TSHZ3: variants seen among roughly 807,000 people sequenced by gnomAD.
TSHZ3 encodes teashirt homolog 3.
TSHZ3 carries 10 observed loss-of-function variants against 64.5 expected under a neutral mutation model. That is an observed-to-expected ratio of 0.16 (90% CI 0.10 to 0.26). The LOEUF (loss-of-function observed/expected upper bound fraction) is 0.26, where lower values mean the gene tolerates loss of function less well. TSHZ3 is among the 10% of genes least tolerant of loss of function. The pLI, the probability that TSHZ3 is intolerant of heterozygous loss-of-function variation, is 1.00. For missense variants in TSHZ3, 1,242 were observed against 1,421.7 expected (o/e 0.87, Z 2.03); for synonymous variants, 608 against 593.1 (o/e 1.03, Z -0.36).
chr19:31,160,260 T>C (rs1330867668), intron 5 of TSHZ3, among the ~76,000 whole-genome samples: 1 of 152,184 alleles, frequency 6.6e-6, no homozygotes, highest in Non-Finnish European at 1.5e-5. Context: ...GGCCTCCCTC[T>C]AGGTGGTGTG....
chr19:31,328,598 C>T lies in TSHZ3; in HGVS notation c.40+20582G>A, dbSNP rs74660564. On this transcript the variant is annotated intron_variant, in intron 1 of 1. Coordinates refer to ENST00000240587, the MANE Select transcript of TSHZ3 (RefSeq NM_020856.4). The stretch of plus-strand genomic sequence containing the variant: ...TGAGAACATCTTATTCAAGGAATGG[C>T]GGGTTAAATCTTAACAGGTCTATTT... Among the ~76,000 whole-genome samples the T allele has an allele frequency of 4.5e-3, 688 of 152,268 alleles. 5 individuals carry two copies. Among genetic ancestry groups the T allele is most frequent in the African/African-American group, 0.016 (653 of 41,548 alleles).
intron 1 of TSHZ3, among the ~76,000 whole-genome samples, chr19:31,315,969 A>G (rs1916590430): frequency 6.6e-6 from 1 of 152,196 alleles, no homozygotes; most frequent in Non-Finnish European, 1.5e-5. Context: ...GGGTTTAGTC[A>G]CTTTTACCCA....
At chr19:31,310,519 G>A (rs1916429381) in intron 1 of TSHZ3, among the ~76,000 whole-genome samples, 1 of 152,144 alleles carries the variant, frequency 6.6e-6, no homozygotes, top group African/African-American at 2.4e-5. Flanking sequence ...CTTCTTAAAG[G>A]AGATGCAGTT....
chr19:31,200,690 A>T (rs1975070176), intron 5 of TSHZ3, among the ~76,000 whole-genome samples: 1 of 152,168 alleles, frequency 6.6e-6, no homozygotes, highest in Non-Finnish European at 1.5e-5. Flanking sequence ...TAGAACACGC[A>T]ATACCAAGAG....
chr19:31,348,195 C>T (rs1030987593), intron 1 of TSHZ3, among the ~76,000 whole-genome samples: 3 of 152,124 alleles, frequency 2.0e-5, no homozygotes, highest in Admixed American at 2.0e-4. Context: ...CGTCACAGAG[C>T]TTGGCCTCAC....
At chr19:31,255,831 C>A (rs1057461285) in intron 1 of TSHZ3, among the ~76,000 whole-genome samples, 1 of 152,142 alleles carries the variant, frequency 6.6e-6, no homozygotes, top group Non-Finnish European at 1.5e-5. Flanking sequence ...GTAAGCCCCC[C>A]CTTACTCAGT....
At chr19:31,193,581 G>C (rs1483387419) in intron 5 of TSHZ3, among the ~76,000 whole-genome samples, 1 of 152,186 alleles carries the variant, frequency 6.6e-6, no homozygotes, top group Non-Finnish European at 1.5e-5. Flanking sequence ...AGTTGTGTGA[G>C]CCTGAGCAAG....
chr19:31,224,145 T>G (rs1043239501), intron 4 of TSHZ3, among the ~76,000 whole-genome samples: 1 of 152,328 alleles, frequency 6.6e-6, no homozygotes, highest in South Asian at 2.1e-4. Flanking sequence ...CTAGACAGGT[T>G]GGTGCCATTG....
chr19:31,341,784 T>C (rs1917447806), intron 1 of TSHZ3, among the ~76,000 whole-genome samples: 1 of 152,146 alleles, frequency 6.6e-6, no homozygotes, highest in Admixed American at 6.5e-5. Flanking sequence ...CATTCTTCCC[T>C]GGTTCCACGG....
At chr19:31,240,490 CTGT>C (rs1180104048) in intron 3 of TSHZ3, among the ~76,000 whole-genome samples, 1 of 152,114 alleles carries the variant, frequency 6.6e-6, no homozygotes, top group Non-Finnish European at 1.5e-5. Flanking sequence ...CGCATTTAAT[CTGT>C]TGTTATATCA....
At position 31,324,284 on chromosome 19, in the gene TSHZ3, G is replaced by C. The variant is rs921112932; in HGVS notation, c.40+24896C>G. On this transcript the variant is annotated intron_variant, in intron 1 of 1. Transcript: ENST00000240587. ...TCCAGTCTGAATTTTCATTTTTAAC[G>C]TTTACAATTTGACTATTCAGAATGA... is the stretch of plus-strand genomic sequence containing the variant. Among the ~76,000 whole-genome samples, 5 of 152,110 alleles carry C rather than the reference G, an allele frequency of 3.3e-5. No homozygotes were observed. In the South Asian group the frequency reaches 1.0e-3, roughly 31 times the overall value.
intron 5 of TSHZ3, among the ~76,000 whole-genome samples, chr19:31,178,091 G>A (rs1375066722): frequency 6.6e-6 from 1 of 152,194 alleles, no homozygotes; most frequent in Non-Finnish European, 1.5e-5. Context: ...GCCTGAGCAT[G>A]AAAGGAAACA....
Position 31,278,644 on chromosome 19 carries a change from C to T in TSHZ3, c.1149G>A (p.Ser383=), listed in dbSNP as rs148943651. 2.0e-4 allele frequency: 318 copies of T among 1,614,104 alleles called. No homozygotes were observed. In the East Asian group the frequency reaches 2.2e-3, roughly 11 times the overall value. The change falls in exon 2 of 2, where the codon TCG becomes TCA. Residue 383 remains serine (S), a synonymous_variant. Transcript: ENST00000240587. This position sits in a 1 kb window ranked among gnomAD's most constrained non-coding sequence, Gnocchi z 4.7. ...CACACTCCATGCACTTCAGGATCTGCGACTTCCGGGCCTCAAAGTGCCATG... is the reference window on the plus strand; with the variant it reads ...CACACTCCATGCACTTCAGGATCTGTGACTTCCGGGCCTCAAAGTGCCATG... ...SYAWHFEARK[S]QILKCMECGS... is the part of the protein sequence containing the mutation.
chr19:31,233,455 G>C (rs1285810594), intron 3 of TSHZ3, among the ~76,000 whole-genome samples: 1 of 152,124 alleles, frequency 6.6e-6, no homozygotes, highest in Non-Finnish European at 1.5e-5. Context: ...CTATTATTCA[G>C]TTGTAAGAGA....
rs561006957 is a variant in TSHZ3, at chr19:31,235,938, G to A, written n.550+6331C>T. Among the ~76,000 whole-genome samples, 6 of 151,932 alleles carry A rather than the reference G, an allele frequency of 3.9e-5. No individual in the cohort carries two copies. The East Asian group carries it at 1.2e-3, about 30-fold the overall frequency. On this transcript the variant is annotated intron_variant and non_coding_transcript_variant, in intron 3 of 6. Coordinates refer to the TSHZ3 transcript ENST00000651361. ...ACCATGTTGGCCAGGCTGGTCTCCAGTGATCCACCCACCTCAGCTTCCCAA... is the reference window on the plus strand; with the variant it reads ...ACCATGTTGGCCAGGCTGGTCTCCAATGATCCACCCACCTCAGCTTCCCAA...
chr19:31,267,345 CCT>C (rs2145203352), intron 1 of TSHZ3, among the ~76,000 whole-genome samples: 1 of 152,114 alleles, frequency 6.6e-6, no homozygotes, highest in South Asian at 2.1e-4. Flanking sequence ...CTCCTCAGAC[CCT>C]CTCTCAGAAC....
chr19:31,200,321 T>C (rs1346577301), intron 5 of TSHZ3, among the ~76,000 whole-genome samples: 2 of 152,072 alleles, frequency 1.3e-5, no homozygotes, highest in Non-Finnish European at 2.9e-5. Context: ...AAGCAACCAA[T>C]ATGTTCTTGA....
intron 4 of TSHZ3, among the ~76,000 whole-genome samples, chr19:31,214,271 G>A (rs1051169090): frequency 3.3e-5 from 5 of 152,200 alleles, no homozygotes; most frequent in Admixed American, 6.5e-5. Flanking sequence ...ACCAGAGGCT[G>A]CATGAGTCAC....
At chr19:31,244,267 A>G (rs775778034) in intron 1 of TSHZ3, among the ~76,000 whole-genome samples, 1 of 151,994 alleles carries the variant, frequency 6.6e-6, no homozygotes, top group African/African-American at 2.4e-5. Context: ...AGTGCTCATT[A>G]GATCCGGTTG....
Sources: gnomAD v4.1 joint callset for allele counts (sites outside exome capture counted in the v4.1 genomes callset) on GRCh38, gnomAD v4.1.1 for gene constraint, Gnocchi (gnomAD v3.1) non-coding constraint, MANE v1.5 for transcripts, NCBI Gene and HGNC (gene_info 2026-07-23, HGNC 2026-07-21) for gene names.